The following KCNC1 variants were observed in gnomAD, a reference collection of about 807,000 sequenced individuals.
KCNC1 encodes voltage-gated potassium channel KCNC1.
In KCNC1, 8 loss-of-function variants were observed where a neutral mutation model predicts 43.4. That is an observed-to-expected ratio of 0.18 (90% CI 0.11 to 0.33). KCNC1 has a LOEUF of 0.33. Among genes scored for constraint, KCNC1 ranks in the 10% least tolerant of loss-of-function variants. The probability of loss-of-function intolerance (pLI) is 1.00; values close to 1 mark genes in which losing one functional copy is unlikely to be tolerated. For synonymous variants in KCNC1, 361 were observed against 360.5 expected, an observed-to-expected ratio of 1.00 and a Z score of -0.01; for missense variants, 420 against 836.0, an observed-to-expected ratio of 0.50 and a Z score of 6.14.
At chr11:17,754,876 G>A (rs1480383656) in intron 1 of KCNC1, among the ~76,000 whole-genome samples, 3 of 152,212 alleles carry the variant, frequency 2.0e-5, no homozygotes, top group Non-Finnish European at 4.4e-5. Context: ...TCTGAGTTAC[G>A]TGGGATTTTC....
chr11:17,776,894 C>T lies in KCNC1; in HGVS notation c.1505-2562C>T, dbSNP rs971010702. 14 of 985,214 alleles carry T rather than the reference C, an allele frequency of 1.4e-5. No individual in the cohort carries two copies. The highest frequency in any genetic ancestry group is 1.1e-4 in the East Asian group (1 of 8,798). 61.0% of individuals were successfully genotyped at this position (985,214 alleles called of 1,614,324 possible). A position where few individuals can be genotyped will look rare whatever the true frequency, so the allele number is the denominator to read the frequency against. ...GAAAGCATCTTAAACCATAGATAGA[C>T]GAACAGCCCAGGGGCCTGGGCCCCT... On this transcript the variant is annotated intron_variant, in intron 2 of 3. Transcript: ENST00000265969. This position sits in a 1 kb window ranked among gnomAD's most constrained non-coding sequence, Gnocchi z 4.4.
chr11:17,751,575 CT>C (rs1194045253), intron 1 of KCNC1, among the ~76,000 whole-genome samples: 1 of 152,182 alleles, frequency 6.6e-6, no homozygotes, highest in East Asian at 1.9e-4. Context: ...GAAAGTGGGA[CT>C]GCCAGATGCA....
At chr11:17,744,137 G>A (rs1415309763) in intron 1 of KCNC1, among the ~76,000 whole-genome samples, 2 of 152,154 alleles carry the variant, frequency 1.3e-5, no homozygotes, top group Non-Finnish European at 2.9e-5. Context: ...AGCAAGTCCT[G>A]TGGCCCCTTC....
At chr11:17,764,926 C>G (rs1849132046) in intron 1 of KCNC1, among the ~76,000 whole-genome samples, 1 of 152,240 alleles carries the variant, frequency 6.6e-6, no homozygotes, top group Non-Finnish European at 1.5e-5. Context: ...CTCTGCATCA[C>G]TGACTCCGCA....
intron 2 of KCNC1, chr11:17,772,888 CTT>C: frequency 1.6e-6 from 2 of 1,277,828 alleles, no homozygotes; most frequent in Non-Finnish European, 2.0e-6. Context: ...TGAGGACTAA[CTT>C]AGCAGGAGCC....
Position 17,781,948 on chromosome 11 carries a change from A to T in KCNC1, c.*214A>T, listed in dbSNP as rs1849350363. 61 of 426,642 alleles carry T rather than the reference A, an allele frequency of 1.4e-4. No individual in the cohort carries two copies. Among genetic ancestry groups the T allele is most frequent in the East Asian group, 4.6e-4 (12 of 26,370 alleles). 26.4% of individuals were successfully genotyped at this position (426,642 alleles called of 1,614,324 possible). A position where few individuals can be genotyped will look rare whatever the true frequency, so the allele number is the denominator to read the frequency against. On this transcript the variant is annotated 3_prime_UTR_variant, in exon 4 of 4. Transcript: ENST00000265969. This position sits in a 1 kb window ranked among gnomAD's most constrained non-coding sequence, Gnocchi z 5.1. ...CTTTTCCTTCTTTTCATTTTTTAAA[A>T]TTTTATTTTATTTGGGGAGGGGGGG... is the stretch of plus-strand genomic sequence containing the variant.
chr11:17,776,930 A>G lies in KCNC1; in HGVS notation c.1505-2526A>G. The stretch of plus-strand genomic sequence containing the variant: ...GGGGCCTGGGCCCCTTCACAGAGCA[A>G]GACTTAAGCTTCCCCACCCAATCAT... On this transcript the variant is annotated intron_variant, in intron 2 of 3. Transcript: ENST00000265969. The surrounding 1 kb of genome is among the most constrained non-coding windows in gnomAD (Gnocchi z 4.4). 1.0e-6 allele frequency: 1 copy of G among 985,340 alleles called. No homozygotes were observed. Among genetic ancestry groups the G allele is most frequent in the Non-Finnish European group, 1.2e-6 (1 of 829,942 alleles). The allele number at this position is 985,340 out of a possible 1,614,324, so 61.0% of individuals were successfully genotyped here.
Position 17,772,554 on chromosome 11 carries a change from C to G in KCNC1, c.1460C>G (p.Thr487Arg), listed in dbSNP as rs1186284433. 2 of 1,613,956 alleles carry G rather than the reference C, an allele frequency of 1.2e-6. No homozygotes were observed. Among genetic ancestry groups the G allele is most frequent in the Non-Finnish European group, 1.7e-6 (2 of 1,179,850 alleles). ...CCACACCACAGTACTCAGAGTGACA[C>G]ATGTCCGCTGGCCCAGGAAGAAATT... ...NSPHHSTQSD[T>R]CPLAQEEILE... The change falls in exon 2 of 4, where the codon ACA becomes AGA. Residue 487 changes from threonine (T) to arginine (R), a missense_variant. By Grantham distance (71) the Thr-to-Arg change is moderately conservative (BLOSUM62 -1). This residue lies in a region of KCNC1 where 147 missense variants were observed against 176.1 expected (regional missense o/e 0.83). Coordinates refer to ENST00000265969, the MANE Select transcript of KCNC1 (RefSeq NM_001112741.2).
Position 17,739,414 on chromosome 11 carries a change from CTG to C in KCNC1, c.570+2845_570+2846del, listed in dbSNP as rs1340827142. On this transcript the variant is annotated intron_variant, in intron 1 of 3. Coordinates refer to ENST00000265969, the MANE Select transcript of KCNC1 (RefSeq NM_001112741.2). This position sits in a 1 kb window ranked among gnomAD's most constrained non-coding sequence, Gnocchi z 4.2. The stretch of plus-strand genomic sequence containing the variant: ...GTGTGTGTGTGGTGAGACTGCGACT[CTG>C]TGCGAGCTTCCTGAGTCCTTGTGTC... 1.4e-5 allele frequency among the ~76,000 whole-genome samples: 2 copies of C among 143,156 alleles called. No homozygotes were observed. Among genetic ancestry groups the C allele is most frequent in the South Asian group, 2.3e-4 (1 of 4,434 alleles). The allele number at this position is 143,156 out of a possible 152,430, so 93.9% of individuals were successfully genotyped here.
chr11:17,766,181 C>T (rs565211169), intron 1 of KCNC1, among the ~76,000 whole-genome samples: 203 of 152,308 alleles, frequency 1.3e-3, no homozygotes, highest in Non-Finnish European at 2.5e-3. Flanking sequence ...TGTGTATGCA[C>T]GAGTGGTGCG....
In KCNC1 at chr11:17,773,843, T is replaced by C. The variant is rs1355634406; in HGVS notation, c.1504+1245T>C. 3 of 985,210 alleles carry C rather than the reference T, an allele frequency of 3.0e-6. No homozygotes were observed. Among genetic ancestry groups the C allele is most frequent in the Non-Finnish European group, 2.4e-6 (2 of 829,948 alleles). The allele number at this position is 985,210 out of a possible 1,614,324, so 61.0% of individuals were successfully genotyped here. ...GAAGGAGTGCCAGGTGAGCAGGAGG[T>C]TGACGTGACAGGTGGCATTTAGTCT... On this transcript the variant is annotated intron_variant, in intron 2 of 3. Transcript: ENST00000265969. The surrounding 1 kb of genome is among the most constrained non-coding windows in gnomAD (Gnocchi z 4.1).
chr11:17,781,735 C>A lies in KCNC1; in HGVS notation c.*1C>A, dbSNP rs573540423. 9.0e-6 allele frequency: 14 copies of A among 1,550,514 alleles called. No homozygotes were observed. The East Asian group carries it at 3.4e-4, about 38-fold the overall frequency. On this transcript the variant is annotated 3_prime_UTR_variant, in exon 4 of 4. Coordinates refer to ENST00000265969, the MANE Select transcript of KCNC1 (RefSeq NM_001112741.2). This position sits in a 1 kb window ranked among gnomAD's most constrained non-coding sequence, Gnocchi z 5.1. Reference sequence around the variant, plus strand: ...GACAGAGGCTGTGAGAGTGACTTGACCAGGCGGCTTGGCCGAGGACACTGG... The same window carrying A: ...GACAGAGGCTGTGAGAGTGACTTGAACAGGCGGCTTGGCCGAGGACACTGG...
chr11:17,747,749 C>T (rs1466097182), intron 1 of KCNC1, among the ~76,000 whole-genome samples: 1 of 152,194 alleles, frequency 6.6e-6, no homozygotes, highest in Non-Finnish European at 1.5e-5. Flanking sequence ...GCCATGGCAG[C>T]AAAATGAAGC....
intron 1 of KCNC1, among the ~76,000 whole-genome samples, chr11:17,746,337 G>T (rs755485881): frequency 6.6e-6 from 1 of 152,104 alleles, no homozygotes; most frequent in Non-Finnish European, 1.5e-5. Flanking sequence ...TCTTCTCTGC[G>T]CTGCATCAGC....
rs1848772617 is a variant in KCNC1 at position 17,736,749 on chromosome 11, T to C, written c.570+177T>C. Among the ~76,000 whole-genome samples the C allele has an allele frequency of 6.6e-6, 1 of 152,014 alleles. No homozygotes were observed. The highest frequency in any genetic ancestry group is 2.4e-5 in the African/African-American group (1 of 41,380). The stretch of plus-strand genomic sequence containing the variant: ...GGAAGGGTGTCCGCCGGGGTTCTGG[T>C]TTTCTATGTATGTCAGTCTGTGTGT... On this transcript the variant is annotated intron_variant, in intron 1 of 3. Coordinates refer to ENST00000265969, the MANE Select transcript of KCNC1 (RefSeq NM_001112741.2). The surrounding 1 kb of genome is among the most constrained non-coding windows in gnomAD (Gnocchi z 9.3).
chr11:17,745,771 TG>T (rs1178715898), intron 1 of KCNC1, among the ~76,000 whole-genome samples: 2 of 152,156 alleles, frequency 1.3e-5, no homozygotes, highest in Non-Finnish European at 2.9e-5. Context: ...GCTTTTCCCT[TG>T]GGTATCAGCT....
chr11:17,744,850 T>C, intron 1 of KCNC1, among the ~76,000 whole-genome samples: 1 of 152,002 alleles, frequency 6.6e-6, no homozygotes, highest in East Asian at 1.9e-4. Flanking sequence ...CCTGGGATGC[T>C]TAAAGTTCAT....
At chr11:17,749,697 GC>G (rs1211105273) in intron 1 of KCNC1, among the ~76,000 whole-genome samples, 1 of 152,198 alleles carries the variant, frequency 6.6e-6, no homozygotes, top group Non-Finnish European at 1.5e-5. Flanking sequence ...AGAGGGCTGG[GC>G]CCTGTAAACC....
At position 17,779,605 on chromosome 11, in the gene KCNC1, G is replaced by A. The variant is rs755386451; in HGVS notation, c.1654G>A (p.Gly552Arg). ...RYGPCFLLSTGEYACPPGGGM... is the reference protein window; with the variant it reads ...RYGPCFLLSTREYACPPGGGM... ...CGGACCCTGCTTCCTCTTATCAACC[G>A]GGGAGTACGCGTGCCCACCTGGTGG... The change falls in exon 3 of 4, where the codon GGG becomes AGG. Residue 552 changes from glycine (G) to arginine (R), a missense_variant. Coordinates refer to ENST00000265969, the MANE Select transcript of KCNC1 (RefSeq NM_001112741.2). The surrounding 1 kb of genome is among the most constrained non-coding windows in gnomAD (Gnocchi z 7.2). 7.7e-6 allele frequency: 12 copies of A among 1,550,942 alleles called. No homozygotes were observed. The highest frequency in any genetic ancestry group is 2.4e-5 in the East Asian group (1 of 40,872).
Sources: gnomAD v4.1 joint callset for allele counts (sites outside exome capture counted in the v4.1 genomes callset) on GRCh38, gnomAD v4.1.1 for gene constraint, gnomAD v4.1.1 regional missense constraint, Gnocchi (gnomAD v3.1) non-coding constraint, MANE v1.5 for transcripts, NCBI Gene and HGNC (gene_info 2026-07-23, HGNC 2026-07-21) for gene names.